Variants in FOXP2 observed in about 807,000 individuals in gnomAD.
FOXP2 encodes the protein forkhead box P2, also known as forkhead box protein P2.
In FOXP2, 12 loss-of-function variants were observed where a neutral mutation model predicts 115.8. The observed-to-expected ratio is 0.10, with a 90% CI of 0.07 to 0.17. The LOEUF is 0.17. FOXP2 is among the 10% of genes least tolerant of loss of function. The pLI is 1.00. For synonymous variants in FOXP2, 328 were observed against 297.7 expected, an observed-to-expected ratio of 1.10 and a Z score of -1.05; for missense variants, 629 against 843.5, an observed-to-expected ratio of 0.75 and a Z score of 3.15.
At chr7:114,608,499 A>G (rs565762165) in intron 3 of FOXP2, among the ~76,000 whole-genome samples, 1 of 152,338 alleles carries the variant, frequency 6.6e-6, no homozygotes, top group African/African-American at 2.4e-5. Flanking sequence ...AAAAGTGATC[A>G]CAGTAGTCAC....
chr7:114,259,393 G>T (rs1208962488), intron 1 of FOXP2, among the ~76,000 whole-genome samples: 11 of 152,126 alleles, frequency 7.2e-5, no homozygotes, highest in Non-Finnish European at 1.3e-4. Flanking sequence ...AGTTACTAGG[G>T]TGAAAATTTC....
At chr7:114,637,732 C>T (rs1805301984) in intron 6 of FOXP2, among the ~76,000 whole-genome samples, 1 of 151,956 alleles carries the variant, frequency 6.6e-6, no homozygotes, top group Non-Finnish European at 1.5e-5. Context: ...ATAGGAAAAG[C>T]CTAAGTAACA....
At chr7:114,567,621 C>T (rs1313849925) in intron 3 of FOXP2, among the ~76,000 whole-genome samples, 1 of 152,100 alleles carries the variant, frequency 6.6e-6, no homozygotes, top group African/African-American at 2.4e-5. Context: ...GATGCAAACA[C>T]TTAAAATATC....
chr7:114,331,576 A>G (rs1797715192), intron 2 of FOXP2, among the ~76,000 whole-genome samples: 1 of 152,094 alleles, frequency 6.6e-6, no homozygotes, highest in Non-Finnish European at 1.5e-5. Context: ...CAGGCTAGGA[A>G]GTCTTTGTTA....
chr7:114,487,674 G>A (rs190045691), intron 2 of FOXP2, among the ~76,000 whole-genome samples: 143 of 152,224 alleles, frequency 9.4e-4, no homozygotes, highest in African/African-American at 9.9e-4. Flanking sequence ...CAAGTTCAAA[G>A]TTCCACATAT....
chr7:114,523,061 TATA>T (rs1798699029), intron 2 of FOXP2, among the ~76,000 whole-genome samples: 1 of 152,082 alleles, frequency 6.6e-6, no homozygotes, highest in African/African-American at 2.4e-5. Context: ...TTCAAATTAT[TATA>T]ATATTTCATC....
At chr7:114,332,112 A>ATGTG (rs1562874756) in intron 2 of FOXP2, among the ~76,000 whole-genome samples, 2 of 150,890 alleles carry the variant, frequency 1.3e-5, no homozygotes, top group East Asian at 3.9e-4. Context: ...GGGCATATGA[A>ATGTG]CGTGTGTGTG....
At chr7:114,348,015 T>A (rs1465575102) in intron 2 of FOXP2, among the ~76,000 whole-genome samples, 2 of 152,060 alleles carry the variant, frequency 1.3e-5, no homozygotes, top group Non-Finnish European at 2.9e-5. Context: ...TTCTAGATAA[T>A]CTGACATATA....
chr7:114,308,159 T>C (rs926619319), intron 2 of FOXP2, among the ~76,000 whole-genome samples: 42 of 152,162 alleles, frequency 2.8e-4, no homozygotes, highest in African/African-American at 9.2e-4. Context: ...TTCATCTCCA[T>C]CTTTTATCTT....
intron 2 of FOXP2, among the ~76,000 whole-genome samples, chr7:114,428,288 A>G (rs1298766488): frequency 1.3e-5 from 2 of 151,584 alleles, no homozygotes; most frequent in Admixed American, 6.6e-5. Context: ...CATAGCTCCA[A>G]TTGGATGTTA....
chr7:114,210,106 G>C (rs1221938820), intron 1 of FOXP2, among the ~76,000 whole-genome samples: 1 of 152,070 alleles, frequency 6.6e-6, no homozygotes, highest in Non-Finnish European at 1.5e-5. Context: ...TTTGTTATTA[G>C]CCACCTTAGC....
chr7:114,113,032 G>A (rs1230322297), intron 1 of FOXP2, among the ~76,000 whole-genome samples: 2 of 152,170 alleles, frequency 1.3e-5, no homozygotes, highest in Admixed American at 1.3e-4. Context: ...TCCTTCATCA[G>A]AGATTGAACC....
At chr7:114,510,394 A>C (rs76446416) in intron 2 of FOXP2, among the ~76,000 whole-genome samples, 13,038 of 152,202 alleles carry the variant, frequency 0.086, 625 homozygotes, top group Middle Eastern at 0.16. Flanking sequence ...TGGTAGAACA[A>C]AGCAGAGGAA....
At chr7:114,136,374 A>G (rs751562180) in intron 1 of FOXP2, among the ~76,000 whole-genome samples, 1 of 151,962 alleles carries the variant, frequency 6.6e-6, no homozygotes, top group Non-Finnish European at 1.5e-5. Flanking sequence ...AAATGGTCTC[A>G]ATTTTTGGCT....
chr7:114,539,429 C>CGTAT (rs1369078805), intron 3 of FOXP2, among the ~76,000 whole-genome samples: 28 of 151,574 alleles, frequency 1.8e-4, no homozygotes, highest in Middle Eastern at 3.2e-3. Flanking sequence ...AATTGAGATA[C>CGTAT]GGGTTTAAAT....
At chr7:114,334,654 A>G (rs1797798149) in intron 2 of FOXP2, among the ~76,000 whole-genome samples, 1 of 150,806 alleles carries the variant, frequency 6.6e-6, no homozygotes, top group Non-Finnish European at 1.5e-5. Flanking sequence ...AAAAAAACCC[A>G]TAGAGAAACT....
chr7:114,656,440 A>G, intron 10 of FOXP2: 1 of 431,384 alleles, frequency 2.3e-6, no homozygotes. Context: ...GATATTTTAG[A>G]ATATTTGCAA....
At chr7:114,245,834 A>T (rs997095271) in intron 1 of FOXP2, among the ~76,000 whole-genome samples, 8 of 150,000 alleles carry the variant, frequency 5.3e-5, no homozygotes, top group African/African-American at 2.0e-4. Flanking sequence ...AAAAATTTTT[A>T]AGTTCCAAAG....
Position 114,291,991 on chromosome 7 carries a change from T to TAG in FOXP2, c.-11+3883_-11+3884insGA, listed in dbSNP as rs375418187. 1.0e-4 allele frequency among the ~76,000 whole-genome samples: 13 copies of TAG among 128,756 alleles called. 3 individuals carry two copies. Among genetic ancestry groups the TAG allele is most frequent in the African/African-American group, 4.9e-4 (13 of 26,618 alleles). 84.5% of individuals were successfully genotyped at this position (128,756 alleles called of 152,430 possible). On this transcript the variant is annotated intron_variant, in intron 2 of 17. Transcript: ENST00000634411. ...TATTATAGATAATATATAGAATATATATTATAGATAATATATAGATATAAC... is the reference window on the plus strand; with the variant it reads ...TATTATAGATAATATATAGAATATATAGATTATAGATAATATATAGATATAAC...
Sources: gnomAD v4.1 joint callset for allele counts (sites outside exome capture counted in the v4.1 genomes callset) on GRCh38, gnomAD v4.1.1 for gene constraint, MANE v1.5 for transcripts, NCBI Gene and HGNC (gene_info 2026-07-23, HGNC 2026-07-21) for gene names.